The following CTTNBP2NL variants were observed in gnomAD, a reference collection of about 807,000 sequenced individuals.
The protein encoded by CTTNBP2NL is CTTNBP2 N-terminal-like protein.
A neutral mutation model predicts 32.5 loss-of-function variants in CTTNBP2NL; 16 were observed. The ratio of observed to expected loss-of-function variants is 0.49; its 90% CI spans 0.33 to 0.75. CTTNBP2NL has a LOEUF of 0.75. CTTNBP2NL is among the 30% of genes least tolerant of loss of function. The probability of loss-of-function intolerance (pLI) is 0.02; values close to 1 mark genes in which losing one functional copy is unlikely to be tolerated. For missense variants in CTTNBP2NL, 645 were observed against 756.0 expected, an observed-to-expected ratio of 0.85 and a Z score of 1.72; for synonymous variants, 298 against 289.4, an observed-to-expected ratio of 1.03 and a Z score of -0.30.
chr1:112,401,511 C>T (rs958763940), intron 1 of CTTNBP2NL, among the ~76,000 whole-genome samples: 3 of 152,098 alleles, frequency 2.0e-5, no homozygotes, highest in Non-Finnish European at 2.9e-5. Flanking sequence ...CTGTGATTAC[C>T]GTGCAGAGTT....
chr1:112,447,146 C>T (rs887203217), intron 3 of CTTNBP2NL, among the ~76,000 whole-genome samples: 3 of 151,786 alleles, frequency 2.0e-5, no homozygotes, highest in East Asian at 1.9e-4. Flanking sequence ...TGGTGGTGGG[C>T]ACCTGTAGTC....
chr1:112,393,174 ACTT>A (rs1453137201), upstream of CTTNBP2NL, among the ~76,000 whole-genome samples: 2 of 152,020 alleles, frequency 1.3e-5, no homozygotes, highest in East Asian at 3.9e-4. Context: ...CTGATTTTGT[ACTT>A]CTAGCCTCAA....
intron 3 of CTTNBP2NL, among the ~76,000 whole-genome samples, chr1:112,443,148 T>C (rs1287385318): frequency 6.6e-6 from 1 of 152,210 alleles, no homozygotes; most frequent in East Asian, 1.9e-4. Context: ...AAATAATTGC[T>C]TTTATAAATA....
intron 2 of CTTNBP2NL, among the ~76,000 whole-genome samples, chr1:112,415,285 A>G (rs768070875): frequency 6.6e-6 from 1 of 152,236 alleles, no homozygotes; most frequent in Non-Finnish European, 1.5e-5. Flanking sequence ...ATTTTACTAT[A>G]CAAGATATAA....
chr1:112,423,792 C>T (rs967908373), intron 3 of CTTNBP2NL, among the ~76,000 whole-genome samples: 1 of 152,190 alleles, frequency 6.6e-6, no homozygotes, highest in Non-Finnish European at 1.5e-5. Context: ...GATGCGATCT[C>T]GGCTCACTGC....
At chr1:112,429,898 C>G (rs1020406053) in intron 3 of CTTNBP2NL, among the ~76,000 whole-genome samples, 2 of 152,166 alleles carry the variant, frequency 1.3e-5, no homozygotes, top group African/African-American at 4.8e-5. Context: ...CCTCTTCCTT[C>G]CTTTTAGCTT....
At chr1:112,406,622 A>G (rs1223548220) in intron 1 of CTTNBP2NL, among the ~76,000 whole-genome samples, 1 of 152,244 alleles carries the variant, frequency 6.6e-6, no homozygotes, top group African/African-American at 2.4e-5. Flanking sequence ...AAGTACTTAG[A>G]ACACTGTCTG....
In CTTNBP2NL at chr1:112,457,349, C is replaced by T; in HGVS notation, c.1857C>T (p.Cys619=). 2 of 1,614,208 alleles carry T rather than the reference C, an allele frequency of 1.2e-6. No individual in the cohort carries two copies. The highest frequency in any genetic ancestry group is 1.7e-6 in the Non-Finnish European group (2 of 1,180,030). ...LTTAEDLASS[C]SSNTVVANGK... is the part of the protein sequence containing the mutation. Reference sequence around the variant, plus strand: ...CTGCAGAAGACCTTGCCAGCAGCTGCTCTTCCAATACTGTTGTAGCAAATG... The same window carrying T: ...CTGCAGAAGACCTTGCCAGCAGCTGTTCTTCCAATACTGTTGTAGCAAATG... Residue 619 remains cysteine (C), a synonymous_variant, in exon 6 of 6, where the codon TGC becomes TGT. Coordinates refer to ENST00000271277, the MANE Select transcript of CTTNBP2NL (RefSeq NM_018704.3).
At chr1:112,422,789 GTTTTTGTATTT>G (rs1370057055) in intron 3 of CTTNBP2NL, among the ~76,000 whole-genome samples, 6 of 151,824 alleles carry the variant, frequency 4.0e-5, no homozygotes, top group Non-Finnish European at 8.8e-5. Context: ...TTTTTTGTTT[GTTTTTGTATTT>G]TTTTATTTTA....
At chr1:112,391,972 C>G (rs1019970749), upstream of CTTNBP2NL, among the ~76,000 whole-genome samples, 1 of 147,362 alleles carries the variant, frequency 6.8e-6, no homozygotes, top group Non-Finnish European at 1.5e-5. Flanking sequence ...GTCTGGGCAA[C>G]AGAGTGAGAC....
At chr1:112,434,417 T>C (rs985376520) in intron 3 of CTTNBP2NL, among the ~76,000 whole-genome samples, 1 of 152,208 alleles carries the variant, frequency 6.6e-6, no homozygotes, top group Non-Finnish European at 1.5e-5. Context: ...TCTTTGTGTC[T>C]AATCAGGTGC....
At chr1:112,441,625 A>G (rs1009561760) in intron 3 of CTTNBP2NL, among the ~76,000 whole-genome samples, 11 of 152,190 alleles carry the variant, frequency 7.2e-5, no homozygotes, top group African/African-American at 2.7e-4. Context: ...TTTCCAGATC[A>G]GTTTCCAAAG....
intron 3 of CTTNBP2NL, among the ~76,000 whole-genome samples, chr1:112,418,680 A>C (rs1164766056): frequency 1.3e-5 from 2 of 152,134 alleles, no homozygotes; most frequent in Non-Finnish European, 1.5e-5. Context: ...TTGCTCATGA[A>C]CTGTCTGGGG....
intron 1 of CTTNBP2NL, among the ~76,000 whole-genome samples, chr1:112,408,760 T>C (rs1232374336): frequency 1.3e-5 from 2 of 152,190 alleles, no homozygotes; most frequent in African/African-American, 4.8e-5. Context: ...CCATTTCACA[T>C]GTCCATCTTG....
intron 2 of CTTNBP2NL, among the ~76,000 whole-genome samples, chr1:112,413,164 G>A (rs1036778005): frequency 1.9e-4 from 29 of 151,830 alleles, no homozygotes; most frequent in African/African-American, 4.6e-4. Flanking sequence ...TTTACATATC[G>A]AACACTTTAA....
intron 3 of CTTNBP2NL, among the ~76,000 whole-genome samples, chr1:112,429,529 A>T (rs1289572819): frequency 1.3e-5 from 2 of 152,170 alleles, no homozygotes; most frequent in African/African-American, 4.8e-5. Flanking sequence ...CCTCTTTCTT[A>T]AAAAAATGCA....
chr1:112,408,482 A>C (rs1052156423), intron 1 of CTTNBP2NL, among the ~76,000 whole-genome samples: 5 of 152,180 alleles, frequency 3.3e-5, no homozygotes, highest in African/African-American at 4.8e-5. Flanking sequence ...CTGAAAAATT[A>C]GAATCTTAAA....
chr1:112,409,890 G>A (rs1209274796), intron 1 of CTTNBP2NL, among the ~76,000 whole-genome samples: 1 of 152,140 alleles, frequency 6.6e-6, no homozygotes, highest in Non-Finnish European at 1.5e-5. Context: ...GGCAAAATCA[G>A]TACTACAGTT....
intron 1 of CTTNBP2NL, among the ~76,000 whole-genome samples, chr1:112,401,601 T>TC (rs1648503886): frequency 6.6e-6 from 1 of 151,998 alleles, no homozygotes; most frequent in Admixed American, 6.6e-5. Context: ...GAAGACAGCC[T>TC]CCCCCACTGT....
Sources: allele counts gnomAD v4.1 joint callset (sites outside exome capture counted in the v4.1 genomes callset), GRCh38; gene constraint gnomAD v4.1.1; transcripts MANE v1.5; gene names NCBI Gene and HGNC (gene_info 2026-07-23, HGNC 2026-07-21).